The following SH3GL2 variants were observed in gnomAD, a reference collection of about 807,000 sequenced individuals.
SH3GL2 encodes the protein endophilin-A1.
In SH3GL2, 24 loss-of-function variants were observed where a neutral mutation model predicts 46.0. That is an observed-to-expected ratio of 0.52 (90% CI 0.38 to 0.73). The LOEUF is 0.73. SH3GL2 is among the 30% of genes least tolerant of loss of function. SH3GL2 has a pLI of 0.00. For synonymous variants in SH3GL2, 196 were observed against 147.1 expected (o/e 1.33, Z -2.40); for missense variants, 413 against 424.2 (o/e 0.97, Z 0.23).
chr9:17,756,372 G>C (rs1230834551), intron 2 of SH3GL2, among the ~76,000 whole-genome samples: 1 of 151,708 alleles, frequency 6.6e-6, no homozygotes, highest in Non-Finnish European at 1.5e-5. Flanking sequence ...CATGTGCACA[G>C]CTTGCAGGTT....
chr9:17,663,431 T>C (rs1404270531), intron 1 of SH3GL2, among the ~76,000 whole-genome samples: 2 of 152,220 alleles, frequency 1.3e-5, no homozygotes, highest in African/African-American at 4.8e-5. Context: ...CCATTATGCA[T>C]TCTGTTAGAC....
At chr9:17,725,466 G>A (rs979844658) in intron 1 of SH3GL2, among the ~76,000 whole-genome samples, 12 of 152,092 alleles carry the variant, frequency 7.9e-5, no homozygotes, top group African/African-American at 2.9e-4. Context: ...TTTTGACAAT[G>A]CTCTTAGGCG....
intron 2 of SH3GL2, 54 bp downstream of exon 2, chr9:17,747,188 A>C: frequency 8.9e-7 from 1 of 1,125,748 alleles, no homozygotes; most frequent in Non-Finnish European, 1.3e-6. Context: ...GTCTACCATA[A>C]TTAGAGGAGA....
At chr9:17,587,937 T>C (rs1818412017) in intron 1 of SH3GL2, among the ~76,000 whole-genome samples, 1 of 151,958 alleles carries the variant, frequency 6.6e-6, no homozygotes, top group Non-Finnish European at 1.5e-5. Context: ...CTTAATAGGC[T>C]TCTGATGTGT....
intron 1 of SH3GL2, among the ~76,000 whole-genome samples, chr9:17,691,168 A>G (rs1821067746): frequency 6.6e-6 from 1 of 151,970 alleles, no homozygotes; most frequent in Non-Finnish European, 1.5e-5. Context: ...TGTGTTTCTC[A>G]CTTGCCAAGG....
At chr9:17,709,983 T>C (rs1490108942) in intron 1 of SH3GL2, among the ~76,000 whole-genome samples, 1 of 151,816 alleles carries the variant, frequency 6.6e-6, no homozygotes, top group African/African-American at 2.4e-5. Context: ...AAGTACAAAG[T>C]GCTTTGAATC....
chr9:17,710,935 A>T (rs948359597), intron 1 of SH3GL2, among the ~76,000 whole-genome samples: 1 of 151,956 alleles, frequency 6.6e-6, no homozygotes, highest in African/African-American at 2.4e-5. Context: ...ACAATAACTA[A>T]AGTAGAACAA....
At chr9:17,731,522 CAGTG>C (rs1427170291) in intron 1 of SH3GL2, among the ~76,000 whole-genome samples, 1 of 151,968 alleles carries the variant, frequency 6.6e-6, no homozygotes, top group Non-Finnish European at 1.5e-5. Flanking sequence ...TGTGAGGACA[CAGTG>C]AGAAGGCAAA....
At chr9:17,651,137 A>G (rs1303862933) in intron 1 of SH3GL2, among the ~76,000 whole-genome samples, 1 of 152,162 alleles carries the variant, frequency 6.6e-6, no homozygotes, top group East Asian at 1.9e-4. Flanking sequence ...ATGAATTTTA[A>G]TATCTGGCAG....
chr9:17,645,792 C>T (rs1458232155), intron 1 of SH3GL2, among the ~76,000 whole-genome samples: 1 of 151,990 alleles, frequency 6.6e-6, no homozygotes, highest in African/African-American at 2.4e-5. Flanking sequence ...TTTCTCACTG[C>T]TTGCACTTAA....
intron 1 of SH3GL2, chr9:17,591,190 T>C (rs891625564): frequency 5.3e-5 from 8 of 152,230 alleles, no homozygotes; most frequent in Non-Finnish European, 1.2e-4. Flanking sequence ...AACAGAAAGC[T>C]TATCATAAAA....
chr9:17,633,775 C>G (rs1011868066), intron 1 of SH3GL2, among the ~76,000 whole-genome samples: 4 of 152,134 alleles, frequency 2.6e-5, no homozygotes, highest in African/African-American at 9.7e-5. Context: ...AACACTATGC[C>G]CATTTTGCTG....
rs1027443985 is a variant in SH3GL2, at chr9:17,579,108, C to G, written c.-135C>G. 3.8e-6 allele frequency: 2 copies of G among 528,072 alleles called. No homozygotes were observed. Among genetic ancestry groups the G allele is most frequent in the Admixed American group, 4.4e-5 (1 of 22,476 alleles). 32.7% of individuals were successfully genotyped at this position (528,072 alleles called of 1,614,324 possible). A position where few individuals can be genotyped will look rare whatever the true frequency, so the allele number is the denominator to read the frequency against. On this transcript the variant is annotated 5_prime_UTR_variant, in exon 1 of 9. Coordinates refer to ENST00000380607, the MANE Select transcript of SH3GL2 (RefSeq NM_003026.5). ...CAAGAGCCCGTGTCCCGCTAGGCTC[C>G]GCGCCCTCGCGCCCATAGCCCCGGC...
In SH3GL2 at chr9:17,694,406, T is replaced by C. The variant is rs561042376; in HGVS notation, c.46-52660T>C. ...CTAATAAGTAAGTGTTCTTTTTCTC[T>C]GGGGGATTTCTTAACTGTTCTATTG... On this transcript the variant is annotated intron_variant, in intron 1 of 8. Transcript: ENST00000380607. Among the ~76,000 whole-genome samples the C allele has an allele frequency of 3.9e-5, 6 of 152,300 alleles. No individual in the cohort carries two copies. The South Asian group carries it at 8.3e-4, about 21-fold the overall frequency.
chr9:17,584,901 T>G (rs1818345034), intron 1 of SH3GL2, among the ~76,000 whole-genome samples: 1 of 152,214 alleles, frequency 6.6e-6, no homozygotes, highest in Non-Finnish European at 1.5e-5. Context: ...TTCCCCATAG[T>G]GATTCTTTAA....
At chr9:17,687,207 T>G (rs1211749052) in intron 1 of SH3GL2, among the ~76,000 whole-genome samples, 1 of 152,140 alleles carries the variant, frequency 6.6e-6, no homozygotes, top group Non-Finnish European at 1.5e-5. Context: ...TAGAACCATT[T>G]AAATTTTGAG....
chr9:17,581,015 A>T (rs1323354107), intron 1 of SH3GL2, among the ~76,000 whole-genome samples: 1 of 152,226 alleles, frequency 6.6e-6, no homozygotes, highest in South Asian at 2.1e-4. Context: ...TGCTGAAGTG[A>T]TGATAATTTC....
chr9:17,585,556 G>GA (rs892854570), intron 1 of SH3GL2, among the ~76,000 whole-genome samples: 3 of 152,184 alleles, frequency 2.0e-5, no homozygotes, highest in Non-Finnish European at 2.9e-5. Context: ...AGGAGGATAG[G>GA]AGGGGGGACA....
At chr9:17,794,372 G>A (rs1435982815) in intron 8 of SH3GL2, among the ~76,000 whole-genome samples, 1 of 152,154 alleles carries the variant, frequency 6.6e-6, no homozygotes, top group Non-Finnish European at 1.5e-5. Flanking sequence ...GCTCTCAGGA[G>A]ACTTATTAAG....
Sources: gnomAD v4.1 joint callset for allele counts (sites outside exome capture counted in the v4.1 genomes callset) on GRCh38, gnomAD v4.1.1 for gene constraint, MANE v1.5 for transcripts, NCBI Gene and HGNC (gene_info 2026-07-23, HGNC 2026-07-21) for gene names.